The following RANBP17 variants were observed in gnomAD, a reference collection of about 807,000 sequenced individuals.
The protein encoded by RANBP17 is RAN binding protein 17.
In RANBP17, 158 loss-of-function variants were observed where a neutral mutation model predicts 141.2. The ratio of observed to expected loss-of-function variants is 1.12; its 90% confidence interval spans 0.98 to 1.28. The LOEUF is 1.28. Ranked by LOEUF, RANBP17 falls within the 50% of genes most tolerant of loss-of-function variation. RANBP17 has a pLI of 0.00. For synonymous variants in RANBP17, 430 were observed against 450.0 expected (o/e 0.96, Z 0.56); for missense variants, 1,438 against 1,290.7 (o/e 1.11, Z -1.75).
At chr5:170,943,088 G>A (rs1774462181) in intron 12 of RANBP17, among the ~76,000 whole-genome samples, 1 of 152,140 alleles carries the variant, frequency 6.6e-6, no homozygotes, top group African/African-American at 2.4e-5. Flanking sequence ...GAAAGAATCT[G>A]TCTGCCCTTT....
chr5:171,294,550 C>T (rs1266960391), intron 26 of RANBP17, among the ~76,000 whole-genome samples: 1 of 152,082 alleles, frequency 6.6e-6, no homozygotes, highest in African/African-American at 2.4e-5. Context: ...ATTGTCTATA[C>T]AATAAGATAG....
chr5:171,097,688 T>C (rs980973797), intron 14 of RANBP17, among the ~76,000 whole-genome samples: 34 of 150,384 alleles, frequency 2.3e-4, no homozygotes, highest in African/African-American at 8.3e-4. Flanking sequence ...GCAGAACATG[T>C]AGGTTTATTA....
chr5:170,967,015 C>A (rs1376984330), intron 13 of RANBP17, among the ~76,000 whole-genome samples: 3 of 152,076 alleles, frequency 2.0e-5, no homozygotes, highest in Non-Finnish European at 2.9e-5. Flanking sequence ...TCAAGGAGAA[C>A]TACAAACCAC....
In RANBP17 at chr5:171,188,073, C is replaced by G. The variant is rs1404449621; in HGVS notation, c.2038+4643C>G. On this transcript the variant is annotated intron_variant, in intron 18 of 27. Coordinates refer to ENST00000523189, the MANE Select transcript of RANBP17 (RefSeq NM_022897.5). ...CATGCTTTTCCACAGACTAAATCAC[C>G]AGAAAGACAAACTGCCAAAAAGTTG... 5.9e-5 allele frequency among the ~76,000 whole-genome samples: 9 copies of G among 151,996 alleles called. No individual in the cohort carries two copies. In the East Asian group the frequency reaches 1.7e-3, roughly 29 times the overall value.
At chr5:171,132,972 G>A (rs1247643727) in intron 14 of RANBP17, among the ~76,000 whole-genome samples, 2 of 151,836 alleles carry the variant, frequency 1.3e-5, no homozygotes, top group African/African-American at 2.4e-5. Context: ...TGCAACCTCC[G>A]CCTTCTGGTT....
chr5:171,268,244 CAAAG>C (rs1487878629), intron 25 of RANBP17, among the ~76,000 whole-genome samples: 2 of 152,036 alleles, frequency 1.3e-5, no homozygotes, highest in Admixed American at 1.3e-4. Flanking sequence ...ATAGTGATGA[CAAAG>C]AAAGTAAAAT....
rs1245951018 is a variant in RANBP17 at position 171,035,719 on chromosome 5, CTGTT to C, written c.1710+67348_1710+67351del. 6.1e-5 allele frequency among the ~76,000 whole-genome samples: 8 copies of C among 131,114 alleles called. No homozygotes were observed. The East Asian group carries it at 6.6e-4, about 11-fold the overall frequency. The allele number at this position is 131,114 out of a possible 152,430, so 86.0% of individuals were successfully genotyped here. On this transcript the variant is annotated intron_variant, in intron 14 of 27. Coordinates refer to ENST00000523189, the MANE Select transcript of RANBP17 (RefSeq NM_022897.5). ...TCTGAACTTTTAGCCATTGTTTGCA[CTGTT>C]TGTTTCTTTTTTTGTTTTTTTTTTT...
intron 14 of RANBP17, among the ~76,000 whole-genome samples, chr5:171,164,296 ATACC>A (rs1330983769): frequency 6.6e-6 from 1 of 152,208 alleles, no homozygotes; most frequent in African/African-American, 2.4e-5. Context: ...AGTGCTCCAG[ATACC>A]TAAGACTAAG....
intron 12 of RANBP17, among the ~76,000 whole-genome samples, chr5:170,934,389 A>ATT (rs1773675670): frequency 1.3e-5 from 2 of 151,848 alleles, no homozygotes; most frequent in Non-Finnish European, 2.9e-5. Context: ...TTAGCTGGTT[A>ATT]TTTTGCTCAT....
At chr5:170,988,858 GA>G (rs935787263) in intron 14 of RANBP17, among the ~76,000 whole-genome samples, 6 of 151,528 alleles carry the variant, frequency 4.0e-5, no homozygotes, top group Non-Finnish European at 5.9e-5. Context: ...TATTTGACTG[GA>G]AAAAAATTAG....
chr5:170,954,660 G>A (rs1775467080), intron 13 of RANBP17, among the ~76,000 whole-genome samples: 1 of 149,532 alleles, frequency 6.7e-6, no homozygotes, highest in Admixed American at 6.7e-5. Context: ...TGGAATTTTA[G>A]GTTGTTCCTC....
At chr5:170,997,875 GAC>G (rs1444668336) in intron 14 of RANBP17, among the ~76,000 whole-genome samples, 1 of 152,070 alleles carries the variant, frequency 6.6e-6, no homozygotes, top group Admixed American at 6.6e-5. Context: ...TAGTTCTCAT[GAC>G]ACAGAGAATT....
chr5:171,160,265 A>G (rs1415871835), intron 14 of RANBP17, among the ~76,000 whole-genome samples: 2 of 152,192 alleles, frequency 1.3e-5, no homozygotes, highest in Admixed American at 1.3e-4. Context: ...ATTATTTAAT[A>G]TTAGAAGTTA....
At chr5:170,950,234 A>G (rs1442330042) in intron 12 of RANBP17, among the ~76,000 whole-genome samples, 1 of 152,158 alleles carries the variant, frequency 6.6e-6, no homozygotes, top group Non-Finnish European at 1.5e-5. Context: ...AAAAATAGAC[A>G]AATGGGATTA....
chr5:170,998,228 C>A (rs1298960580), intron 14 of RANBP17, among the ~76,000 whole-genome samples: 1 of 152,008 alleles, frequency 6.6e-6, no homozygotes, highest in African/African-American at 2.4e-5. Flanking sequence ...ATGTACATTT[C>A]TCATTGGAAT....
intron 14 of RANBP17, among the ~76,000 whole-genome samples, chr5:171,005,998 C>T (rs1327952964): frequency 3.9e-5 from 6 of 152,128 alleles, no homozygotes; most frequent in Non-Finnish European, 7.4e-5. Flanking sequence ...TGAAAAAATG[C>T]TCATCATCAC....
chr5:171,221,668 A>G (rs1763564258), intron 21 of RANBP17, 90 bp from the exon 22 acceptor site: 2 of 739,316 alleles, frequency 2.7e-6, no homozygotes, highest in Non-Finnish European at 4.8e-6. Context: ...TACTGCTGCT[A>G]CTTCTTATAA....
rs369366607 is a variant in RANBP17 at position 171,028,662 on chromosome 5, T to C, written c.1710+60285T>C. Reference sequence around the variant, plus strand: ...TCAATTGTGGTTAGCATCTTTATTATTATATCCATTCCAAGATAATTTTAG... The same window carrying C: ...TCAATTGTGGTTAGCATCTTTATTACTATATCCATTCCAAGATAATTTTAG... On this transcript the variant is annotated intron_variant, in intron 14 of 27. Transcript: ENST00000523189. 4.3e-4 allele frequency among the ~76,000 whole-genome samples: 66 copies of C among 152,314 alleles called. 1 individual carries two copies. In the South Asian group the frequency reaches 0.013, roughly 31 times the overall value.
chr5:171,173,988 C>T (rs1321440494), intron 16 of RANBP17, among the ~76,000 whole-genome samples: 1 of 152,128 alleles, frequency 6.6e-6, no homozygotes, highest in East Asian at 1.9e-4. Context: ...TAGTCTAGTT[C>T]CTAAATAATG....
Sources: allele counts gnomAD v4.1 joint callset (sites outside exome capture counted in the v4.1 genomes callset), GRCh38; gene constraint gnomAD v4.1.1; transcripts MANE v1.5; gene names NCBI Gene and HGNC (gene_info 2026-07-23, HGNC 2026-07-21).